BRPF3: variants seen among roughly 807,000 people sequenced by gnomAD.
BRPF3 encodes bromodomain and PHD finger containing 3.
In BRPF3, 18 loss-of-function variants were observed where a neutral mutation model predicts 102.0. That is an observed-to-expected ratio of 0.18 (90% CI 0.12 to 0.26). BRPF3 has a LOEUF of 0.26. Ranked by LOEUF, BRPF3 falls within the 10% of genes least tolerant of loss-of-function variation. The pLI, the probability that BRPF3 is intolerant of heterozygous loss-of-function variation, is 1.00. For synonymous variants in BRPF3, 570 were observed against 614.2 expected, an observed-to-expected ratio of 0.93 and a Z score of 1.06; for missense variants, 1,147 against 1,567.8, an observed-to-expected ratio of 0.73 and a Z score of 4.53.
chr6:36,226,604 C>T (rs1768749259), intron 11 of BRPF3, among the ~76,000 whole-genome samples: 2 of 152,188 alleles, frequency 1.3e-5, no homozygotes, highest in African/African-American at 4.8e-5. Flanking sequence ...CCCCACCAGC[C>T]TCTTACATGT....
intron 2 of BRPF3, among the ~76,000 whole-genome samples, chr6:36,202,427 C>T (rs1767745981): frequency 6.8e-6 from 1 of 147,046 alleles, no homozygotes; most frequent in South Asian, 2.4e-4. Flanking sequence ...CCCCCTCCGC[C>T]CCCGCCATTG....
At chr6:36,198,557 G>C (rs1441876374) in intron 1 of BRPF3, among the ~76,000 whole-genome samples, 1 of 152,206 alleles carries the variant, frequency 6.6e-6, no homozygotes, top group African/African-American at 2.4e-5. Context: ...CTGAGCTTCT[G>C]TGTAGATGAT....
intron 3 of BRPF3, 99 bp from the exon 4 acceptor site, chr6:36,207,214 G>A (rs973600505): frequency 2.0e-5 from 30 of 1,493,620 alleles, no homozygotes; most frequent in Non-Finnish European, 2.5e-5. Context: ...TCAAGGAAGG[G>A]GACAAGACTT....
At chr6:36,211,592 G>T (rs773167459) in intron 7 of BRPF3, 32 bp downstream of exon 7, 1 of 1,544,690 alleles carries the variant, frequency 6.5e-7, no homozygotes, top group South Asian at 1.2e-5. Context: ...GCAGGGGGTT[G>T]GAGGGTAAAG....
At position 36,200,200 on chromosome 6, in the gene BRPF3, GA is replaced by G; in HGVS notation, c.-26-93del. On this transcript the variant is annotated intron_variant, in intron 1 of 12. Coordinates refer to ENST00000357641, the MANE Select transcript of BRPF3 (RefSeq NM_015695.3). The surrounding 1 kb of genome is among the most constrained non-coding windows in gnomAD (Gnocchi z 5.3). ...GAGGGGCAAGTTGTTCAGACAGAGG[GA>G]AAAGCCAGTCCTCTTGGTGGATGCT... 1 of 1,397,592 alleles carries G rather than the reference GA, an allele frequency of 7.2e-7. No homozygotes were observed. The highest frequency in any genetic ancestry group is 9.4e-7 in the Non-Finnish European group (1 of 1,065,824). The allele number at this position is 1,397,592 out of a possible 1,614,324, so 86.6% of individuals were successfully genotyped here. A position where few individuals can be genotyped will look rare whatever the true frequency, so the allele number is the denominator to read the frequency against.
Position 36,200,238 on chromosome 6 carries a change from G to T in BRPF3, c.-26-59G>T. On this transcript the variant is annotated intron_variant, in intron 1 of 12. Transcript: ENST00000357641. This position sits in a 1 kb window ranked among gnomAD's most constrained non-coding sequence, Gnocchi z 5.3. ...TCTTGGTGGATGCTTGATCATATGGGAGGATGAATGGGTGCATAAGGGCAT... is the reference window on the plus strand; with the variant it reads ...TCTTGGTGGATGCTTGATCATATGGTAGGATGAATGGGTGCATAAGGGCAT... 1 of 1,472,200 alleles carries T rather than the reference G, an allele frequency of 6.8e-7. No individual in the cohort carries two copies. The allele number at this position is 1,472,200 out of a possible 1,614,324, so 91.2% of individuals were successfully genotyped here.
intron 3 of BRPF3, among the ~76,000 whole-genome samples, chr6:36,206,805 C>G (rs1222227214): frequency 6.6e-6 from 1 of 152,178 alleles, no homozygotes; most frequent in Non-Finnish European, 1.5e-5. Flanking sequence ...TTTGTATTAT[C>G]TTTATGCTAA....
rs1008265625 is a variant in BRPF3, at chr6:36,222,188, G to A, written c.3104G>A (p.Arg1035His). 1.2e-5 allele frequency: 18 copies of A among 1,550,366 alleles called. No individual in the cohort carries two copies. Among genetic ancestry groups the A allele is most frequent in the Non-Finnish European group, 1.4e-5 (16 of 1,147,126 alleles). Residue 1035 changes from arginine (R) to histidine (H), a missense_variant, in exon 10 of 13, where the codon CGC (arginine) becomes CAC (histidine). Physicochemically the swap from Arg to His is conservative, Grantham distance 29 (BLOSUM62 0). Coordinates refer to ENST00000357641, the MANE Select transcript of BRPF3 (RefSeq NM_015695.3). ...EACSGLTPPK[R>H]SRGKPALSRV... ...TGCAGTGGTCTGACGCCCCCCAAAC[G>A]CAGCCGTGGGAAGCCAGCCCTGTCT...
At chr6:36,217,548 C>T (rs777169359) in intron 8 of BRPF3, among the ~76,000 whole-genome samples, 1 of 152,142 alleles carries the variant, frequency 6.6e-6, no homozygotes, top group Non-Finnish European at 1.5e-5. Context: ...ACCTGATAAT[C>T]GAGGTTTGAA....
At chr6:36,214,409 T>C in intron 8 of BRPF3, 23 bp downstream of exon 8, 1 of 1,528,196 alleles carries the variant, frequency 6.5e-7, no homozygotes, top group Non-Finnish European at 8.7e-7. Context: ...GTGACTTCTC[T>C]TGATACTTCG....
chr6:36,207,318 G>C lies in BRPF3; in HGVS notation c.1611G>C (p.Glu537Asp), dbSNP rs1024258435. 6.2e-7 allele frequency: 1 copy of C among 1,613,768 alleles called. No individual in the cohort carries two copies. The highest frequency in any genetic ancestry group is 8.5e-7 in the Non-Finnish European group (1 of 1,179,868). Residue 537 changes from glutamate (E) to aspartate (D), a missense_variant, in exon 4 of 13, where the codon GAG (glutamate) becomes GAC (aspartate). Coordinates refer to ENST00000357641, the MANE Select transcript of BRPF3 (RefSeq NM_015695.3). ...LQSQRNAEQR[E>D]QDEKTSAVKE... Reference sequence around the variant, plus strand: ...TCTTCTCTTCCCTCCTGTAGCGAGAGCAGGATGAGAAGACAAGTGCAGTGA... The same window carrying C: ...TCTTCTCTTCCCTCCTGTAGCGAGACCAGGATGAGAAGACAAGTGCAGTGA...
rs183745054 is a variant in BRPF3 at position 36,227,028 on chromosome 6, T to A, written c.3279+1664T>A. On this transcript the variant is annotated intron_variant, in intron 11 of 12. Transcript: ENST00000357641. ...ACTAGTCTAAAACTCGTCTTTTTTT[T>A]AATTACCCTCTTAATTATACATTTT... is the stretch of plus-strand genomic sequence containing the variant. Among the ~76,000 whole-genome samples the A allele has an allele frequency of 2.4e-3, 362 of 152,350 alleles. 5 individuals are homozygous for A. The highest frequency in any genetic ancestry group is 2.9e-3 in the East Asian group (15 of 5,186).
chr6:36,223,612 A>AT (rs1011770458), intron 10 of BRPF3, among the ~76,000 whole-genome samples: 11 of 151,324 alleles, frequency 7.3e-5, no homozygotes, highest in East Asian at 1.9e-4. Context: ...ACTTTTTTCA[A>AT]TTTTTTTTTG....
intron 7 of BRPF3, 47 bp from the exon 8 acceptor site, chr6:36,213,833 C>A (rs1768219704): frequency 6.5e-7 from 1 of 1,536,014 alleles, no homozygotes; most frequent in Admixed American, 2.1e-5. Flanking sequence ...CTTGTAGGAG[C>A]AGACTCTTTC....
At chr6:36,217,833 C>A in intron 8 of BRPF3, 84 bp from the exon 9 acceptor site, 1 of 1,177,918 alleles carries the variant, frequency 8.5e-7, no homozygotes. Flanking sequence ...TCACTGAGCC[C>A]TCCTGAGGTG....
Position 36,197,295 on chromosome 6 carries a change from A to G in BRPF3, c.-27+325A>G, listed in dbSNP as rs537135395. The G allele has an allele frequency of 2.7e-5, 4 of 150,818 alleles. 1 individual carries two copies. The highest frequency in any genetic ancestry group is 6.9e-3 in the Middle Eastern group (2 of 290). The allele number at this position is 150,818 out of a possible 1,614,324, so 9.3% of individuals were successfully genotyped here. On this transcript the variant is annotated intron_variant, in intron 1 of 12. Transcript: ENST00000357641. ...AGAGTCCCGCCCCTTGAGCGGCCCT[A>G]GGTCCCCTGGGTCCCTCTGACGGGC... is the stretch of plus-strand genomic sequence containing the variant.
chr6:36,207,176 G>T, intron 3 of BRPF3, 137 bp from the exon 4 acceptor site: 1 of 1,061,086 alleles, frequency 9.4e-7, no homozygotes, highest in Non-Finnish European at 1.4e-6. Flanking sequence ...GGGGTAGAGA[G>T]GGGTGGAAGG....
intron 7 of BRPF3, among the ~76,000 whole-genome samples, chr6:36,212,959 C>CAA (rs1281973861): frequency 1.8e-5 from 2 of 108,856 alleles, no homozygotes; most frequent in African/African-American, 3.5e-5. Flanking sequence ...GACTCCGTCT[C>CAA]AAAAAAAAAA....
intron 7 of BRPF3, 77 bp downstream of exon 7, chr6:36,211,637 G>A: frequency 6.8e-7 from 1 of 1,478,330 alleles, no homozygotes; most frequent in Non-Finnish European, 9.1e-7. Flanking sequence ...TCATAATGGG[G>A]GTATTCTTTC....
Sources: allele counts gnomAD v4.1 joint callset (sites outside exome capture counted in the v4.1 genomes callset), GRCh38; gene constraint gnomAD v4.1.1; non-coding constraint Gnocchi (gnomAD v3.1); transcripts MANE v1.5; gene names NCBI Gene and HGNC (gene_info 2026-07-23, HGNC 2026-07-21).